The following DLG2 variants were observed in gnomAD, a reference collection of about 807,000 sequenced individuals.
DLG2 encodes the protein discs large MAGUK scaffold protein 2.
In DLG2, 45 loss-of-function variants were observed where a neutral mutation model predicts 132.5. The ratio of observed to expected loss-of-function variants is 0.34; its 90% CI spans 0.27 to 0.44. DLG2 has a LOEUF of 0.44. DLG2 is among the 20% of genes least tolerant of loss of function. The pLI is 1.00. For missense variants in DLG2, 1,045 were observed against 1,196.9 expected (o/e 0.87, Z 1.87); for synonymous variants, 424 against 419.6 (o/e 1.01, Z -0.13).
At chr11:84,813,546 G>C (rs1364917580) in intron 6 of DLG2, among the ~76,000 whole-genome samples, 7 of 152,040 alleles carry the variant, frequency 4.6e-5, no homozygotes, top group South Asian at 2.1e-4. Flanking sequence ...AGAGAAAAGA[G>C]CTAAGACTGA....
chr11:85,088,532 A>G (rs1344232629), intron 6 of DLG2, among the ~76,000 whole-genome samples: 1 of 152,198 alleles, frequency 6.6e-6, no homozygotes, highest in Admixed American at 6.5e-5. Flanking sequence ...AGGACTCAAC[A>G]GAGAAACTAG....
Position 83,668,795 on chromosome 11 carries a change from A to G in DLG2, c.1826-35470T>C, listed in dbSNP as rs1056803181. On this transcript the variant is annotated intron_variant, in intron 18 of 27. Transcript: ENST00000376104. ...AACACACATATATATGTGTATATAA[A>G]CACACATATATATGTGTATATAAAC... Among the ~76,000 whole-genome samples, 144 of 78,272 alleles carry G rather than the reference A, an allele frequency of 1.8e-3. 1 individual carries two copies. Among genetic ancestry groups the G allele is most frequent in the African/African-American group, 8.8e-3 (134 of 15,142 alleles). 51.3% of individuals were successfully genotyped at this position (78,272 alleles called of 152,430 possible).
intron 3 of DLG2, among the ~76,000 whole-genome samples, chr11:85,315,538 T>A (rs1280508220): frequency 6.6e-6 from 1 of 151,988 alleles, no homozygotes; most frequent in Non-Finnish European, 1.5e-5. Context: ...TATGTATTTC[T>A]GGATTGCTGT....
At chr11:85,208,989 G>C (rs987954393) in intron 4 of DLG2, among the ~76,000 whole-genome samples, 1 of 152,096 alleles carries the variant, frequency 6.6e-6, no homozygotes, top group African/African-American at 2.4e-5. Flanking sequence ...TAAGTCCTTT[G>C]CAAGTACACT....
At chr11:84,201,441 C>G (rs1163720250) in intron 8 of DLG2, among the ~76,000 whole-genome samples, 2 of 152,122 alleles carry the variant, frequency 1.3e-5, no homozygotes, top group African/African-American at 4.8e-5. Flanking sequence ...ATTTTGGTAT[C>G]AGGATGATGC....
At chr11:85,451,338 A>G (rs1194113529) in intron 3 of DLG2, among the ~76,000 whole-genome samples, 2 of 152,256 alleles carry the variant, frequency 1.3e-5, no homozygotes, top group African/African-American at 2.4e-5. Flanking sequence ...TTTCTTACCC[A>G]CAATATTGCA....
chr11:84,514,561 C>T (rs934629922), intron 7 of DLG2, among the ~76,000 whole-genome samples: 1 of 151,892 alleles, frequency 6.6e-6, no homozygotes, highest in Non-Finnish European at 1.5e-5. Flanking sequence ...GAAAGATAAA[C>T]ATCACATGTT....
chr11:83,913,884 G>T (rs2076481621), intron 15 of DLG2, among the ~76,000 whole-genome samples: 1 of 152,174 alleles, frequency 6.6e-6, no homozygotes, highest in Admixed American at 6.6e-5. Context: ...AATGCAGAAT[G>T]CTCCACATGG....
At chr11:83,914,926 T>C (rs2076683552) in intron 15 of DLG2, among the ~76,000 whole-genome samples, 1 of 152,128 alleles carries the variant, frequency 6.6e-6, no homozygotes, top group South Asian at 2.1e-4. Flanking sequence ...GGTGTGGATG[T>C]GTTCCACTCA....
intron 3 of DLG2, among the ~76,000 whole-genome samples, chr11:85,520,846 A>G (rs1456907169): frequency 6.6e-6 from 1 of 152,184 alleles, no homozygotes; most frequent in Non-Finnish European, 1.5e-5. Context: ...ATCTCTTGCC[A>G]TATACAAAAA....
intron 6 of DLG2, chr11:85,021,401 C>T: frequency 1.5e-6 from 2 of 1,370,982 alleles, no homozygotes; most frequent in Admixed American, 1.7e-5. Context: ...GGCACTGGAG[C>T]CAGGTTAATA....
intron 3 of DLG2, among the ~76,000 whole-genome samples, chr11:85,498,209 G>A (rs376304454): frequency 4.6e-5 from 7 of 152,146 alleles, no homozygotes; most frequent in African/African-American, 1.7e-4. Flanking sequence ...TACACACACA[G>A]GCTCAAAATA....
chr11:84,106,078 G>C (rs1456761955), intron 9 of DLG2, among the ~76,000 whole-genome samples: 2 of 152,046 alleles, frequency 1.3e-5, no homozygotes, highest in Admixed American at 1.3e-4. Flanking sequence ...AACAATATAA[G>C]TAGGTAGAAT....
intron 3 of DLG2, among the ~76,000 whole-genome samples, chr11:85,477,028 A>C (rs75451397): frequency 2.6e-5 from 4 of 152,132 alleles, no homozygotes; most frequent in African/African-American, 9.7e-5. Flanking sequence ...ATACAATGAC[A>C]AGAGTAATGC....
At chr11:84,854,361 G>A (rs1296787444) in intron 6 of DLG2, among the ~76,000 whole-genome samples, 2 of 151,688 alleles carry the variant, frequency 1.3e-5, no homozygotes, top group Non-Finnish European at 2.9e-5. Flanking sequence ...TGCAAGACTG[G>A]AATGGTATTA....
At chr11:83,962,096 G>T (rs2088958434) in intron 14 of DLG2, among the ~76,000 whole-genome samples, 1 of 152,030 alleles carries the variant, frequency 6.6e-6, no homozygotes, top group Non-Finnish European at 1.5e-5. Context: ...ACTTCAGTTA[G>T]ACAGGCAGGG....
intron 7 of DLG2, among the ~76,000 whole-genome samples, chr11:84,510,142 T>G (rs951758856): frequency 1.3e-5 from 2 of 150,050 alleles, no homozygotes; most frequent in African/African-American, 4.9e-5. Flanking sequence ...CAGAAAATAA[T>G]TAAAAACAGT....
At chr11:83,461,071 C>A (rs1322861853) in intron 27 of DLG2, among the ~76,000 whole-genome samples, 1 of 144,026 alleles carries the variant, frequency 6.9e-6, no homozygotes, top group South Asian at 2.2e-4. Context: ...TGCAGTAGCA[C>A]GATCTCGGCT....
At chr11:84,893,767 A>C (rs868746667) in intron 6 of DLG2, among the ~76,000 whole-genome samples, 3 of 152,164 alleles carry the variant, frequency 2.0e-5, no homozygotes, top group Middle Eastern at 3.2e-3. Context: ...TCCCTGAGAC[A>C]TAGTAACTGT....
Sources: gnomAD v4.1 joint callset for allele counts (sites outside exome capture counted in the v4.1 genomes callset) on GRCh38, gnomAD v4.1.1 for gene constraint, MANE v1.5 for transcripts, NCBI Gene and HGNC (gene_info 2026-07-23, HGNC 2026-07-21) for gene names.